The following PDE1C variants were observed in gnomAD, a reference collection of about 807,000 sequenced individuals.
PDE1C encodes the protein phosphodiesterase 1C, also known as dual specificity calcium/calmodulin-dependent 3',5'-cyclic nucleotide phosphodiesterase 1C.
In PDE1C, 62 loss-of-function variants were observed where a neutral mutation model predicts 93.1. That is an observed-to-expected ratio of 0.67 (90% CI 0.54 to 0.82). The LOEUF (loss-of-function observed/expected upper bound fraction) is 0.82. Ranked by LOEUF, PDE1C falls within the 40% of genes least tolerant of loss-of-function variation. The pLI is 0.00. For missense variants in PDE1C, 742 were observed against 884.6 expected (o/e 0.84, Z 2.04); for synonymous variants, 325 against 310.1 (o/e 1.05, Z -0.50).
At chr7:31,715,797 T>C in the PDE1C span, among the ~76,000 whole-genome samples, 1 of 152,168 alleles carries the variant, frequency 6.6e-6, no homozygotes, top group Non-Finnish European at 1.5e-5. Context: ...CTAAATACCT[T>C]AACAAGCTGA....
intron 2 of PDE1C, among the ~76,000 whole-genome samples, chr7:32,170,401 G>C (rs183022141): frequency 6.6e-6 from 1 of 152,180 alleles, no homozygotes; most frequent in East Asian, 1.9e-4. Flanking sequence ...TTAAGAACTA[G>C]AACTCACCAT....
At chr7:32,226,907 A>T (rs1406742827) in intron 1 of PDE1C, among the ~76,000 whole-genome samples, 1 of 152,138 alleles carries the variant, frequency 6.6e-6, no homozygotes, top group Non-Finnish European at 1.5e-5. Flanking sequence ...GGCTCTTTTT[A>T]TGCCGCTACA....
the PDE1C span, among the ~76,000 whole-genome samples, chr7:31,737,208 G>T: frequency 2.6e-5 from 4 of 151,602 alleles, no homozygotes; most frequent in East Asian, 7.8e-4. Flanking sequence ...TGAACTCCTG[G>T]CCTCAAACAA....
chr7:31,696,432 G>A, the PDE1C span, among the ~76,000 whole-genome samples: 11,336 of 152,264 alleles, frequency 0.074, 522 homozygotes, highest in Non-Finnish European at 0.11. Flanking sequence ...TGTGGGTAGT[G>A]AATTGTGGAA....
At chr7:32,339,881 A>G (rs1783714461) in intron 1 of PDE1C, among the ~76,000 whole-genome samples, 1 of 152,002 alleles carries the variant, frequency 6.6e-6, no homozygotes, top group Admixed American at 6.6e-5. Flanking sequence ...GCCATTTGAG[A>G]TCTGTGGTCT....
chr7:31,866,955 C>T (rs1205866438), intron 6 of PDE1C, among the ~76,000 whole-genome samples: 1 of 152,024 alleles, frequency 6.6e-6, no homozygotes, highest in Admixed American at 6.5e-5. Context: ...ACAGGGAGCT[C>T]ATGCTGGGTC....
chr7:31,995,277 C>T (rs1316064633), intron 2 of PDE1C, among the ~76,000 whole-genome samples: 1 of 152,128 alleles, frequency 6.6e-6, no homozygotes. Context: ...AGAGCCACTG[C>T]AGCCCCTCTT....
chr7:32,150,603 A>T (rs1801181555), intron 3 of PDE1C, among the ~76,000 whole-genome samples: 1 of 152,242 alleles, frequency 6.6e-6, no homozygotes, highest in Non-Finnish European at 1.5e-5. Context: ...TTCTGAGGCC[A>T]GACTACAGGG....
chr7:31,958,242 T>C (rs977262826), intron 2 of PDE1C, among the ~76,000 whole-genome samples: 8 of 152,158 alleles, frequency 5.3e-5, no homozygotes, highest in African/African-American at 1.9e-4. Flanking sequence ...CAATTGACCC[T>C]AATGAGCCTC....
At chr7:31,893,776 A>T (rs531641073) in intron 2 of PDE1C, among the ~76,000 whole-genome samples, 3 of 152,120 alleles carry the variant, frequency 2.0e-5, no homozygotes, top group Non-Finnish European at 4.4e-5. Flanking sequence ...ATCTGGACAA[A>T]GCACTCCACT....
At chr7:31,831,142 A>G (rs117084456) in intron 11 of PDE1C, among the ~76,000 whole-genome samples, 1,910 of 152,328 alleles carry the variant, frequency 0.013, 19 homozygotes, top group Non-Finnish European at 0.021. Flanking sequence ...CAACAGAAGG[A>G]TCAAGTTGAA....
intron 1 of PDE1C, among the ~76,000 whole-genome samples, chr7:32,307,610 TGC>T (rs1278678777): frequency 0.012 from 1,170 of 95,604 alleles, 18 homozygotes; most frequent in African/African-American, 0.044. Context: ...GGTTAAACCC[TGC>T]TGCATGCCCA....
the PDE1C span, among the ~76,000 whole-genome samples, chr7:31,720,169 CAAAAAAAAAAAAAA>C: frequency 6.0e-5 from 3 of 50,128 alleles, no homozygotes; most frequent in Non-Finnish European, 1.1e-4. Context: ...GACTCCGTCT[CAAAAAAAAAAAAAA>C]AAAAAAAAAA....
At chr7:32,323,864 G>A (rs1357717590) in intron 1 of PDE1C, among the ~76,000 whole-genome samples, 1 of 152,170 alleles carries the variant, frequency 6.6e-6, no homozygotes, top group Non-Finnish European at 1.5e-5. Context: ...TCCTCTGGAA[G>A]CTCCAAGCAT....
chr7:32,157,546 GCC>G (rs1801653763), intron 3 of PDE1C, among the ~76,000 whole-genome samples: 3 of 152,172 alleles, frequency 2.0e-5, no homozygotes, highest in Admixed American at 6.5e-5. Context: ...AGTGGAGCCA[GCC>G]AAAAAATATG....
At chr7:32,131,840 T>C (rs1799936724) in intron 3 of PDE1C, among the ~76,000 whole-genome samples, 1 of 152,098 alleles carries the variant, frequency 6.6e-6, no homozygotes, top group African/African-American at 2.4e-5. Context: ...ACAGTGAATG[T>C]GACAACAGAG....
chr7:32,051,720 C>A, intron 1 of PDE1C, 140 bp from the exon 2 acceptor site: 1 of 702,824 alleles, frequency 1.4e-6, no homozygotes, highest in East Asian at 2.7e-5. Flanking sequence ...GGTTTCAAAG[C>A]TTAGTTAAAA....
chr7:32,422,257 G>A (rs1038109899), intron 1 of PDE1C, among the ~76,000 whole-genome samples: 5 of 149,398 alleles, frequency 3.3e-5, no homozygotes, highest in African/African-American at 1.2e-4. Flanking sequence ...GGCACAGGTG[G>A]TGTCACTACT....
At chr7:32,102,555 T>C (rs535486581) in intron 3 of PDE1C, among the ~76,000 whole-genome samples, 6 of 152,354 alleles carry the variant, frequency 3.9e-5, no homozygotes, top group South Asian at 2.1e-4. Flanking sequence ...GCCTCCCTCA[T>C]TAAATGTCAA....
Sources: gnomAD v4.1 joint callset for allele counts (sites outside exome capture counted in the v4.1 genomes callset) on GRCh38, gnomAD v4.1.1 for gene constraint, MANE v1.5 for transcripts, NCBI Gene and HGNC (gene_info 2026-07-23, HGNC 2026-07-21) for gene names.